FCGR1A: variants seen among roughly 807,000 people sequenced by gnomAD.
FCGR1A encodes the protein Fc gamma receptor Ia.
FCGR1A carries 13 observed loss-of-function variants against 35.0 expected under a neutral mutation model. The ratio of observed to expected loss-of-function variants is 0.37; its 90% CI spans 0.24 to 0.59. The LOEUF is 0.59. Among genes scored for constraint, FCGR1A ranks in the 20% least tolerant of loss-of-function variants. FCGR1A has a pLI of 0.71. For synonymous variants in FCGR1A, 91 were observed against 164.7 expected, an observed-to-expected ratio of 0.55 and a Z score of 3.43; for missense variants, 227 against 430.0, an observed-to-expected ratio of 0.53 and a Z score of 4.17.
At chr1:149,785,969 A>G (rs1438520112) in intron 3 of FCGR1A, 2 of 152,076 alleles carry the variant, frequency 1.3e-5, no homozygotes, top group Non-Finnish European at 2.9e-5. Flanking sequence ...CATGTTGTAA[A>G]TTGAAGTTCA....
chr1:149,785,479 T>C (rs3967878), intron 3 of FCGR1A, among the ~76,000 whole-genome samples: 1 of 142,832 alleles, frequency 7.0e-6, no homozygotes, highest in Non-Finnish European at 1.5e-5. Flanking sequence ...TGCAGTGGTG[T>C]GATCTTGGCT....
At chr1:149,800,133 A>G in the FCGR1A span, among the ~76,000 whole-genome samples, 5 of 152,096 alleles carry the variant, frequency 3.3e-5, no homozygotes, top group African/African-American at 1.2e-4. Flanking sequence ...CATGAAACTC[A>G]GAGAAACACT....
intron 3 of FCGR1A, 164 bp from the exon 4 acceptor site, chr1:149,788,202 A>C (rs1328377563): frequency 6.1e-6 from 9 of 1,478,294 alleles, no homozygotes; most frequent in Non-Finnish European, 8.1e-6. Flanking sequence ...TTTTCTTTCC[A>C]CCAAAGCTAA....
At chr1:149,796,831 G>A in the FCGR1A span, among the ~76,000 whole-genome samples, 1 of 152,148 alleles carries the variant, frequency 6.6e-6, no homozygotes, top group African/African-American at 2.4e-5. Context: ...CACTCAGTCG[G>A]TGGCTTTTAA....
At chr1:149,786,612 C>T (rs1279865148) in intron 3 of FCGR1A, 1 of 151,894 alleles carries the variant, frequency 6.6e-6, no homozygotes, top group Non-Finnish European at 1.5e-5. Flanking sequence ...GGACCCGAGC[C>T]CTAATCATAT....
rs782489862 is a variant in FCGR1A, at chr1:149,791,507, G to T, written c.1115G>T (p.Gly372Val). 6.2e-7 allele frequency: 1 copy of T among 1,610,092 alleles called. No individual in the cohort carries two copies. Among genetic ancestry groups the T allele is most frequent in the Non-Finnish European group, 8.5e-7 (1 of 1,179,462 alleles). ...GGGGTGCACCGGAAGGAGCCCCAGG[G>T]GGCCACGTAGCAGCGGCTCAGTGGG... ...QEGVHRKEPQGAT is the reference protein window; with the variant it reads ...QEGVHRKEPQVAT The change falls in exon 6 of 6, where the codon GGG (glycine) becomes GTG (valine). Residue 372 changes from glycine (G) to valine (V), a missense_variant. Physicochemically the swap from Gly to Val is moderately radical, Grantham distance 109. Coordinates refer to ENST00000369168, the MANE Select transcript of FCGR1A (RefSeq NM_000566.4).
At chr1:149,793,125 G>T, downstream of FCGR1A, 9 of 1,245,480 alleles carry the variant, frequency 7.2e-6, no homozygotes, top group South Asian at 1.1e-4. Flanking sequence ...CCTCAGGTGC[G>T]CCCGGCCGAG....
chr1:149,799,303 T>A, the FCGR1A span, among the ~76,000 whole-genome samples: 1 of 152,132 alleles, frequency 6.6e-6, no homozygotes, highest in Admixed American at 6.5e-5. Context: ...GAGTTGGATG[T>A]AAATTTGACT....
At position 149,789,730 on chromosome 1, in the gene FCGR1A, G is replaced by T. The variant is rs587658392; in HGVS notation, c.560-324G>T. Among the ~76,000 whole-genome samples the T allele has an allele frequency of 2.3e-4, 35 of 152,270 alleles. 1 individual carries two copies. The highest frequency in any genetic ancestry group is 7.9e-4 in the African/African-American group (33 of 41,532). On this transcript the variant is annotated intron_variant, in intron 4 of 5. Transcript: ENST00000369168. The stretch of plus-strand genomic sequence containing the variant: ...AATTGTGCGTGCCTGATGATCTGAG[G>T]TGGAACAGTTACCTTCCAAAACTGT...
chr1:149,793,395 C>T (rs1340629403), downstream of FCGR1A, among the ~76,000 whole-genome samples: 2 of 152,044 alleles, frequency 1.3e-5, no homozygotes, highest in Non-Finnish European at 2.9e-5. Flanking sequence ...AGGCTCCAGG[C>T]TCCGCAGGGG....
At chr1:149,790,917 TG>T (rs199859873) in intron 5 of FCGR1A, among the ~76,000 whole-genome samples, 4,215 of 151,928 alleles carry the variant, frequency 0.028, 192 homozygotes, top group African/African-American at 0.095. Flanking sequence ...AAAGTCTCCT[TG>T]GGGGGGAAAA....
At chr1:149,790,433 A>G in intron 5 of FCGR1A, 95 bp downstream of exon 5, 2 of 1,542,078 alleles carry the variant, frequency 1.3e-6, no homozygotes, top group South Asian at 1.2e-5. Flanking sequence ...TGGCCCAGAC[A>G]GGAGGGGAAA....
intron 3 of FCGR1A, among the ~76,000 whole-genome samples, chr1:149,784,761 C>G (rs2091496665): frequency 6.7e-6 from 1 of 150,302 alleles, no homozygotes; most frequent in Non-Finnish European, 1.5e-5. Flanking sequence ...TGGTAGAACA[C>G]TTTCTAAGTA....
downstream of FCGR1A, chr1:149,792,668 C>G (rs587610631): frequency 4.7e-6 from 6 of 1,278,198 alleles, no homozygotes; most frequent in African/African-American, 9.4e-5. Context: ...GGGGCCGCAG[C>G]CGCCAGCGCC....
chr1:149,793,597 C>T (rs1171421879), downstream of FCGR1A, among the ~76,000 whole-genome samples: 3 of 151,886 alleles, frequency 2.0e-5, no homozygotes, highest in Admixed American at 1.3e-4. Context: ...TGGGACCTAC[C>T]GAGGCTTCAC....
chr1:149,793,878 C>A (rs1559749984), downstream of FCGR1A: 2 of 1,284,966 alleles, frequency 1.6e-6, no homozygotes, highest in Non-Finnish European at 2.0e-6. Context: ...TGGGGTAAAA[C>A]AGGAAGAGTT....
chr1:149,796,073 A>C (rs1361871566), downstream of FCGR1A, among the ~76,000 whole-genome samples: 2 of 151,986 alleles, frequency 1.3e-5, no homozygotes, highest in Non-Finnish European at 2.9e-5. Flanking sequence ...ATGGGAACAA[A>C]TAAAATTGCT....
At chr1:149,794,151 G>T, downstream of FCGR1A, 1 of 366,530 alleles carries the variant, frequency 2.7e-6, no homozygotes, top group Non-Finnish European at 5.3e-6. Flanking sequence ...GGCAGCGGCA[G>T]CCTGGACTAA....
intron 5 of FCGR1A, among the ~76,000 whole-genome samples, chr1:149,790,919 G>A (rs1347614049): frequency 7.6e-5 from 11 of 143,862 alleles, no homozygotes; most frequent in Admixed American, 5.4e-4. Flanking sequence ...AGTCTCCTTG[G>A]GGGGGAAAAA....
Sources: gnomAD v4.1 joint callset for allele counts (sites outside exome capture counted in the v4.1 genomes callset) on GRCh38, gnomAD v4.1.1 for gene constraint, MANE v1.5 for transcripts, NCBI Gene and HGNC (gene_info 2026-07-23, HGNC 2026-07-21) for gene names.